FRMPD2: variants seen among roughly 807,000 people sequenced by gnomAD.
FRMPD2 encodes the protein FERM and PDZ domain-containing protein 2.
FRMPD2 carries 96 observed loss-of-function variants against 140.1 expected under a neutral mutation model. That is an observed-to-expected ratio of 0.69 (90% CI 0.58 to 0.81). FRMPD2 has a LOEUF of 0.81. Among genes scored for constraint, FRMPD2 ranks in the 40% least tolerant of loss-of-function variants. The pLI is 0.00. For missense variants in FRMPD2, 1,240 were observed against 1,447.4 expected (o/e 0.86, Z 2.32); for synonymous variants, 449 against 547.6 (o/e 0.82, Z 2.52).
At chr10:48,222,478 G>T (rs1354924404) in intron 11 of FRMPD2, 27 bp from the exon 12 acceptor site, 1 of 1,611,982 alleles carries the variant, frequency 6.2e-7, no homozygotes, top group East Asian at 2.2e-5. Context: ...AATAAAAAGG[G>T]CTGGGTTGCT....
At chr10:48,214,966 A>AC (rs1329467669) in intron 12 of FRMPD2, among the ~76,000 whole-genome samples, 2 of 151,822 alleles carry the variant, frequency 1.3e-5, no homozygotes, top group Non-Finnish European at 2.9e-5. Flanking sequence ...CTGTGTAAAA[A>AC]CCCCCGCATG....
chr10:48,212,186 C>T, intron 12 of FRMPD2, 77 bp from the exon 13 acceptor site: 1 of 1,445,780 alleles, frequency 6.9e-7, no homozygotes, highest in Non-Finnish European at 9.6e-7. Context: ...AAAACATTAT[C>T]TGTAGTCACA....
At chr10:48,189,706 C>G (rs982543446) in intron 16 of FRMPD2, among the ~76,000 whole-genome samples, 2 of 152,222 alleles carry the variant, frequency 1.3e-5, no homozygotes, top group Non-Finnish European at 2.9e-5. Flanking sequence ...TAAGGAGGCC[C>G]TTGCTCATGG....
chr10:48,240,394 C>G lies in FRMPD2; in HGVS notation c.666G>C (p.Ala222=). 2 of 1,613,170 alleles carry G rather than the reference C, an allele frequency of 1.2e-6. No homozygotes were observed. Among genetic ancestry groups the G allele is most frequent in the Non-Finnish European group, 1.7e-6 (2 of 1,180,036 alleles). The change falls in exon 6 of 29, where the codon GCG becomes GCC. Residue 222 remains alanine (A), a synonymous_variant. Coordinates refer to ENST00000374201, the MANE Select transcript of FRMPD2 (RefSeq NM_001018071.4). ...GATGCAGACACTCCGGGGCCTGTGC[C>G]GCTGGGCTCTCGCTGCTTGTCCCAC... ...RLRGTSSESP[A]AQAPECLHPC...
intron 15 of FRMPD2, among the ~76,000 whole-genome samples, chr10:48,194,957 G>C (rs902090249): frequency 2.0e-5 from 3 of 152,210 alleles, no homozygotes; most frequent in Non-Finnish European, 2.9e-5. Context: ...AGCAAGCTGA[G>C]GACAGTGGAC....
chr10:48,251,698 TAA>T lies in FRMPD2; in HGVS notation c.26-9_26-8del, dbSNP rs758080767. 6.2e-7 allele frequency: 1 copy of T among 1,613,982 alleles called. No individual in the cohort carries two copies. Among genetic ancestry groups the T allele is most frequent in the East Asian group, 2.2e-5 (1 of 44,864 alleles). On this transcript the variant is annotated splice_polypyrimidine_tract_variant and splice_region_variant and intron_variant, in intron 1 of 28. Transcript: ENST00000374201. ...ACAGAGGACAGGCTCATGCCTACAA[TAA>T]AGACATGCATGTGACAGGGCCTCTG...
intron 14 of FRMPD2, among the ~76,000 whole-genome samples, chr10:48,206,424 C>T (rs141214017): frequency 6.6e-6 from 1 of 152,250 alleles, no homozygotes; most frequent in East Asian, 1.9e-4. Flanking sequence ...TTGCTCTCAA[C>T]GTTAATGGAG....
chr10:48,266,395 TA>T (rs1287726937), intron 1 of FRMPD2, among the ~76,000 whole-genome samples: 1 of 152,048 alleles, frequency 6.6e-6, no homozygotes, highest in Non-Finnish European at 1.5e-5. Flanking sequence ...AAATAAAAAA[TA>T]AAAACTTCTA....
At chr10:48,252,274 G>C (rs909716160) in intron 1 of FRMPD2, among the ~76,000 whole-genome samples, 1 of 152,132 alleles carries the variant, frequency 6.6e-6, no homozygotes, top group Admixed American at 6.5e-5. Context: ...AACTGGAGGA[G>C]GCTCAAGAGG....
At position 48,232,227 on chromosome 10, in the gene FRMPD2, C is replaced by T; in HGVS notation, c.1056G>A (p.Gln352=). The T allele has an allele frequency of 6.2e-7, 1 of 1,614,168 alleles. No homozygotes were observed. Among genetic ancestry groups the T allele is most frequent in the Non-Finnish European group, 8.5e-7 (1 of 1,180,004 alleles). Reference sequence around the variant, plus strand: ...CAACATCACATTTTACCTCCAGGTGCTGCCCGTTCAGCAGGACCACACAGA... The same window carrying T: ...CAACATCACATTTTACCTCCAGGTGTTGCCCGTTCAGCAGGACCACACAGA... ...RDLCVVLLNG[Q]HLEVKCDVES... is the part of the protein sequence containing the mutation. The change falls in exon 10 of 29, where the codon CAG becomes CAA. Residue 352 remains glutamine (Q), a synonymous_variant. Coordinates refer to ENST00000374201, the MANE Select transcript of FRMPD2 (RefSeq NM_001018071.4).
chr10:48,237,593 C>G (rs1257791612), intron 8 of FRMPD2, among the ~76,000 whole-genome samples: 1 of 152,136 alleles, frequency 6.6e-6, no homozygotes, highest in African/African-American at 2.4e-5. Context: ...TCTCTCCTCC[C>G]TATAGAAGCC....
rs370033544 is a variant in FRMPD2, at chr10:48,212,014, T to C, written c.1551A>G (p.Ser517=). Residue 517 remains serine (S), a synonymous_variant, in exon 13 of 29, where the codon TCA becomes TCG. Transcript: ENST00000374201. The part of the protein sequence containing the change: ...MTALRVQVEV[S]EMHRLSSALW... Reference sequence around the variant, plus strand: ...GTGCAGAGCTGAGCCGGTGCATCTCTGAGACTTCAACCTGGACCCGTAGAG... The same window carrying C: ...GTGCAGAGCTGAGCCGGTGCATCTCCGAGACTTCAACCTGGACCCGTAGAG... 6.2e-6 allele frequency: 10 copies of C among 1,614,060 alleles called. No individual in the cohort carries two copies. Among genetic ancestry groups the C allele is most frequent in the Non-Finnish European group, 8.5e-6 (10 of 1,179,966 alleles).
At chr10:48,252,729 C>T (rs969494040) in intron 1 of FRMPD2, among the ~76,000 whole-genome samples, 21 of 152,108 alleles carry the variant, frequency 1.4e-4, no homozygotes, top group African/African-American at 5.1e-4. Context: ...ACCTGTGAGC[C>T]GTCACTTATC....
chr10:48,217,050 C>G (rs1259205586), intron 12 of FRMPD2, among the ~76,000 whole-genome samples: 3 of 152,154 alleles, frequency 2.0e-5, no homozygotes, highest in African/African-American at 7.2e-5. Context: ...GTGTCAGGGG[C>G]AGAAAGTGAA....
intron 2 of FRMPD2, among the ~76,000 whole-genome samples, chr10:48,250,200 C>T (rs1304308830): frequency 6.6e-6 from 1 of 152,158 alleles, no homozygotes; most frequent in Non-Finnish European, 1.5e-5. Flanking sequence ...CCCTACCTGG[C>T]CACCGGTGGC....
In FRMPD2 at chr10:48,227,064, C is replaced by T. The variant is rs1056517829; in HGVS notation, c.1169-3794G>A. On this transcript the variant is annotated intron_variant, in intron 10 of 28. Transcript: ENST00000374201. ...GGGGATTCTTTCCAAAGCCAGCTTT[C>T]CCAAATATCTATGGATAGTGCCTAG... 1.4e-4 allele frequency among the ~76,000 whole-genome samples: 22 copies of T among 152,230 alleles called. No individual in the cohort carries two copies. The Middle Eastern group carries it at 0.01, about 71-fold the overall frequency.
At chr10:48,261,952 T>C (rs1840598682) in intron 1 of FRMPD2, among the ~76,000 whole-genome samples, 1 of 152,146 alleles carries the variant, frequency 6.6e-6, no homozygotes, top group Non-Finnish European at 1.5e-5. Flanking sequence ...CTAGAAATAT[T>C]TTTTAAAAGA....
At chr10:48,261,875 C>T (rs1175371665) in intron 1 of FRMPD2, among the ~76,000 whole-genome samples, 1 of 152,114 alleles carries the variant, frequency 6.6e-6, no homozygotes, top group Non-Finnish European at 1.5e-5. Context: ...ACCTGTACTA[C>T]ACATGAGCTA....
chr10:48,264,172 AT>A (rs1239609692), intron 1 of FRMPD2, among the ~76,000 whole-genome samples: 1 of 152,048 alleles, frequency 6.6e-6, no homozygotes, highest in Non-Finnish European at 1.5e-5. Flanking sequence ...AAAAAAAAAA[AT>A]CTACGGCCAA....
Sources: gnomAD v4.1 joint callset for allele counts (sites outside exome capture counted in the v4.1 genomes callset) on GRCh38, gnomAD v4.1.1 for gene constraint, MANE v1.5 for transcripts, NCBI Gene and HGNC (gene_info 2026-07-23, HGNC 2026-07-21) for gene names.